Variants in GRID1 observed in about 807,000 individuals in gnomAD.
GRID1 encodes glutamate receptor ionotropic, delta-1.
In GRID1, 28 loss-of-function variants were observed where a neutral mutation model predicts 98.0. That is an observed-to-expected ratio of 0.29 (90% CI 0.21 to 0.39). The LOEUF is 0.39. Ranked by LOEUF, GRID1 falls within the 10% of genes least tolerant of loss-of-function variation. The probability of loss-of-function intolerance (pLI) is 1.00; values close to 1 mark genes in which losing one functional copy is unlikely to be tolerated. For missense variants in GRID1, 1,111 were observed against 1,340.5 expected (o/e 0.83, Z 2.67); for synonymous variants, 553 against 538.5 (o/e 1.03, Z -0.37).
At chr10:86,208,643 C>T (rs1258526987) in intron 2 of GRID1, among the ~76,000 whole-genome samples, 1 of 152,238 alleles carries the variant, frequency 6.6e-6, no homozygotes, top group Non-Finnish European at 1.5e-5. Flanking sequence ...TCCCCCTTCA[C>T]TGCACTTCCC....
intron 4 of GRID1, among the ~76,000 whole-genome samples, chr10:85,919,364 T>G (rs1841667946): frequency 6.6e-6 from 1 of 152,212 alleles, no homozygotes; most frequent in Admixed American, 6.5e-5. Context: ...ATCAGCTAAT[T>G]TGTTAAGCCT....
At chr10:85,695,519 T>C (rs1254311543) in intron 12 of GRID1, among the ~76,000 whole-genome samples, 3 of 152,206 alleles carry the variant, frequency 2.0e-5, no homozygotes, top group African/African-American at 4.8e-5. Context: ...AATTCATGAA[T>C]CTCACTGTTC....
chr10:85,776,542 T>C (rs1012604632), intron 8 of GRID1, among the ~76,000 whole-genome samples: 2 of 152,100 alleles, frequency 1.3e-5, no homozygotes, highest in African/African-American at 4.8e-5. Flanking sequence ...GGGTGGCCTG[T>C]GTTGAGACCT....
intron 12 of GRID1, among the ~76,000 whole-genome samples, chr10:85,707,131 T>C (rs535876254): frequency 1.3e-5 from 2 of 151,940 alleles, no homozygotes; most frequent in East Asian, 3.9e-4. Context: ...TTAAACTAAA[T>C]AGCTTCTGCA....
At chr10:85,640,547 G>A (rs1261968207) in intron 13 of GRID1, among the ~76,000 whole-genome samples, 3 of 152,186 alleles carry the variant, frequency 2.0e-5, no homozygotes. Flanking sequence ...TTTCCAGCAT[G>A]CCATGGAACC....
At chr10:86,075,791 C>A (rs1843872907) in intron 4 of GRID1, among the ~76,000 whole-genome samples, 1 of 152,192 alleles carries the variant, frequency 6.6e-6, no homozygotes, top group Non-Finnish European at 1.5e-5. Context: ...ACAGAAAACA[C>A]CACATACAGT....
chr10:86,190,249 C>T (rs1020263744), intron 3 of GRID1, among the ~76,000 whole-genome samples: 1 of 152,182 alleles, frequency 6.6e-6, no homozygotes. Context: ...TTACTGGCCT[C>T]CATGAAGTAA....
chr10:85,863,075 CT>C (rs1361494329), intron 6 of GRID1, among the ~76,000 whole-genome samples: 2 of 152,214 alleles, frequency 1.3e-5, no homozygotes, highest in Non-Finnish European at 2.9e-5. Flanking sequence ...GGCTCTGAGG[CT>C]CCTGAGGAGA....
chr10:85,766,266 GC>G (rs1472456026), intron 8 of GRID1, among the ~76,000 whole-genome samples: 4 of 152,332 alleles, frequency 2.6e-5, no homozygotes, highest in Non-Finnish European at 5.9e-5. Context: ...CGTGAGGACT[GC>G]ATAAGCCCAA....
At chr10:85,773,786 C>A (rs980419755) in intron 8 of GRID1, among the ~76,000 whole-genome samples, 2 of 152,136 alleles carry the variant, frequency 1.3e-5, no homozygotes, top group African/African-American at 4.8e-5. Flanking sequence ...AGGACCTCTT[C>A]AAGGAGAACT....
chr10:85,811,406 C>A lies in GRID1; in HGVS notation c.1233+43090G>T, dbSNP rs139036613. ...TAGACCCCAAATCAAAGGAAATATA[C>A]AAAATGCCAGTGAGATACAAGATAA... On this transcript the variant is annotated intron_variant, in intron 8 of 15. Transcript: ENST00000327946. Among the ~76,000 whole-genome samples, 709 of 152,120 alleles carry A rather than the reference C, an allele frequency of 4.7e-3. 5 individuals carry two copies. The highest frequency in any genetic ancestry group is 0.016 in the African/African-American group (678 of 41,506).
chr10:86,268,142 CG>C (rs1482665235), intron 2 of GRID1, among the ~76,000 whole-genome samples: 1 of 152,178 alleles, frequency 6.6e-6, no homozygotes, highest in African/African-American at 2.4e-5. Flanking sequence ...AAGACACACA[CG>C]GGGCATCTGA....
intron 4 of GRID1, among the ~76,000 whole-genome samples, chr10:85,934,512 G>C (rs1289552936): frequency 6.6e-6 from 1 of 151,878 alleles, no homozygotes; most frequent in African/African-American, 2.4e-5. Context: ...CTGTGGATTG[G>C]AGCCAGAGTC....
At chr10:85,985,568 C>A (rs1842598745) in intron 4 of GRID1, among the ~76,000 whole-genome samples, 1 of 152,176 alleles carries the variant, frequency 6.6e-6, no homozygotes, top group Non-Finnish European at 1.5e-5. Context: ...ATCCTGGAAC[C>A]CCAGATGCAG....
At chr10:85,804,640 G>A (rs533171498) in intron 8 of GRID1, among the ~76,000 whole-genome samples, 5 of 151,752 alleles carry the variant, frequency 3.3e-5, no homozygotes, top group South Asian at 2.1e-4. Flanking sequence ...GACTATGTAC[G>A]TATTTGTCAT....
chr10:85,672,425 T>C (rs1342945556), intron 12 of GRID1, among the ~76,000 whole-genome samples: 1 of 152,104 alleles, frequency 6.6e-6, no homozygotes, highest in African/African-American at 2.4e-5. Flanking sequence ...CTCCTGTCTC[T>C]GCCTCCTGAG....
chr10:85,691,165 T>A (rs1247106655), intron 12 of GRID1, among the ~76,000 whole-genome samples: 1 of 152,174 alleles, frequency 6.6e-6, no homozygotes, highest in Non-Finnish European at 1.5e-5. Flanking sequence ...CACAAAAAAA[T>A]GAACCAATGG....
chr10:86,059,194 T>C (rs1042180697), intron 4 of GRID1, among the ~76,000 whole-genome samples: 1 of 152,138 alleles, frequency 6.6e-6, no homozygotes, highest in East Asian at 1.9e-4. Context: ...GTGCGGCTGG[T>C]CCACAAGCGT....
At chr10:86,163,963 C>G (rs1175595641) in intron 3 of GRID1, among the ~76,000 whole-genome samples, 1 of 152,158 alleles carries the variant, frequency 6.6e-6, no homozygotes, top group African/African-American at 2.4e-5. Context: ...AAGCTACTGG[C>G]AAGGCAAGGA....
Sources: allele counts gnomAD v4.1 joint callset (sites outside exome capture counted in the v4.1 genomes callset), GRCh38; gene constraint gnomAD v4.1.1; transcripts MANE v1.5; gene names NCBI Gene and HGNC (gene_info 2026-07-23, HGNC 2026-07-21).